The following ZDHHC2 variants were observed in gnomAD, a reference collection of about 807,000 sequenced individuals.
ZDHHC2 encodes the protein palmitoyltransferase ZDHHC2.
A neutral mutation model predicts 55.6 loss-of-function variants in ZDHHC2; 51 were observed. The observed-to-expected ratio is 0.92, with a 90% CI of 0.73 to 1.16. The LOEUF is 1.16. ZDHHC2 is among the 50% of genes most tolerant of loss of function. The probability of loss-of-function intolerance (pLI) is 0.00; values close to 1 mark genes in which losing one functional copy is unlikely to be tolerated. For synonymous variants in ZDHHC2, 199 were observed against 152.9 expected (o/e 1.30, Z -2.22); for missense variants, 491 against 442.4 (o/e 1.11, Z -0.99).
chr8:17,181,125 T>A (rs1805409877), intron 1 of ZDHHC2, among the ~76,000 whole-genome samples: 1 of 152,118 alleles, frequency 6.6e-6, no homozygotes, highest in African/African-American at 2.4e-5. Context: ...TAGAAATAAC[T>A]TTTCTCTTGA....
Position 17,170,997 on chromosome 8 carries a change from C to T in ZDHHC2, c.131-13792C>T, listed in dbSNP as rs754256381. Among the ~76,000 whole-genome samples the T allele has an allele frequency of 7.9e-5, 12 of 152,134 alleles. 1 individual carries two copies. Among genetic ancestry groups the T allele is most frequent in the Non-Finnish European group, 1.0e-4 (7 of 68,036 alleles). ...AGGACATAAATCCCTAGTTGACATTCCCCTGGGTGGTAAATAGCCATTATG... is the reference window on the plus strand; with the variant it reads ...AGGACATAAATCCCTAGTTGACATTTCCCTGGGTGGTAAATAGCCATTATG... On this transcript the variant is annotated intron_variant, in intron 1 of 12. Transcript: ENST00000262096.
chr8:17,201,479 CTCTTTTTTTTTT>C (rs1806760927), intron 6 of ZDHHC2, among the ~76,000 whole-genome samples: 1 of 88,194 alleles, frequency 1.1e-5, no homozygotes, highest in African/African-American at 3.5e-5. Context: ...CTCTCTCTCT[CTCTTTTTTTTTT>C]TTTTTTTTTT....
chr8:17,159,166 C>G (rs1037771911), intron 1 of ZDHHC2, among the ~76,000 whole-genome samples: 1 of 152,178 alleles, frequency 6.6e-6, no homozygotes, highest in East Asian at 1.9e-4. Context: ...CTCCCAGACT[C>G]CTTTCCTTTT....
chr8:17,167,469 C>G (rs574776704), intron 1 of ZDHHC2, among the ~76,000 whole-genome samples: 1 of 152,118 alleles, frequency 6.6e-6, no homozygotes, highest in Admixed American at 6.6e-5. Context: ...TCATGCCGGG[C>G]TAATTTTTCC....
At chr8:17,156,908 T>C in intron 1 of ZDHHC2, 55 bp downstream of exon 1, 1 of 1,429,682 alleles carries the variant, frequency 7.0e-7, no homozygotes, top group South Asian at 1.4e-5. Flanking sequence ...ACCCCGACTG[T>C]CCCGGGACGC....
chr8:17,216,322 T>C (rs1038630842), intron 11 of ZDHHC2, among the ~76,000 whole-genome samples: 20 of 152,214 alleles, frequency 1.3e-4, no homozygotes, highest in African/African-American at 4.8e-4. Flanking sequence ...CTAGTCATTA[T>C]TTAATATATT....
In ZDHHC2 at chr8:17,210,486, C is replaced by A; in HGVS notation, c.950+6C>A. The A allele has an allele frequency of 6.3e-7, 1 of 1,595,572 alleles. No individual in the cohort carries two copies. The highest frequency in any genetic ancestry group is 8.5e-7 in the Non-Finnish European group (1 of 1,172,098). ...CTGAATTCCACAGCTAAAAAGTAATCTCATATTTTTTTTCATTTTACTTTC... is the reference window on the plus strand; with the variant it reads ...CTGAATTCCACAGCTAAAAAGTAATATCATATTTTTTTTCATTTTACTTTC... On this transcript the variant is annotated splice_donor_region_variant and intron_variant, in intron 10 of 12. Coordinates refer to ENST00000262096, the MANE Select transcript of ZDHHC2 (RefSeq NM_016353.5).
chr8:17,161,402 A>G (rs895132518), intron 1 of ZDHHC2, among the ~76,000 whole-genome samples: 3 of 152,270 alleles, frequency 2.0e-5, no homozygotes, highest in Admixed American at 1.3e-4. Flanking sequence ...GATCTTGGGA[A>G]TACAGATGTT....
chr8:17,206,186 G>A (rs2150939645), intron 7 of ZDHHC2, among the ~76,000 whole-genome samples: 1 of 152,308 alleles, frequency 6.6e-6, no homozygotes, highest in South Asian at 2.1e-4. Context: ...TTAAAGTGTA[G>A]TGCTGAAGTG....
At chr8:17,164,273 TACTC>T (rs1167259650) in intron 1 of ZDHHC2, among the ~76,000 whole-genome samples, 16 of 152,350 alleles carry the variant, frequency 1.1e-4, no homozygotes, top group Non-Finnish European at 1.8e-4. Flanking sequence ...ATTTGAGAGA[TACTC>T]ACAAGCAAAA....
intron 3 of ZDHHC2, among the ~76,000 whole-genome samples, chr8:17,191,066 A>G (rs1382363409): frequency 2.9e-5 from 4 of 137,090 alleles, no homozygotes; most frequent in African/African-American, 1.1e-4. Flanking sequence ...GTTTCAAGGG[A>G]TTCTCCTGCC....
intron 3 of ZDHHC2, among the ~76,000 whole-genome samples, chr8:17,194,293 G>T (rs1163941550): frequency 6.7e-6 from 1 of 148,692 alleles, no homozygotes; most frequent in East Asian, 1.9e-4. Flanking sequence ...TTTTTAAATT[G>T]TAAAATATTT....
rs532974651 is a variant in ZDHHC2 at position 17,179,051 on chromosome 8, A to G, written c.131-5738A>G. On this transcript the variant is annotated intron_variant, in intron 1 of 12. Coordinates refer to ENST00000262096, the MANE Select transcript of ZDHHC2 (RefSeq NM_016353.5). ...CTGCAGCCTCGACCTCCTGTGCTCA[A>G]GTGATCTTCCCACCTCAGCCTCCCG... 2.0e-5 allele frequency among the ~76,000 whole-genome samples: 3 copies of G among 152,252 alleles called. No individual in the cohort carries two copies. The South Asian group carries it at 6.2e-4, about 32-fold the overall frequency.
At chr8:17,206,755 G>C (rs1807119115) in intron 7 of ZDHHC2, among the ~76,000 whole-genome samples, 1 of 152,078 alleles carries the variant, frequency 6.6e-6, no homozygotes, top group Non-Finnish European at 1.5e-5. Flanking sequence ...AACACCAAAT[G>C]ACAGTAAAAA....
rs1563161263 is a variant in ZDHHC2 at position 17,199,539 on chromosome 8, C to CGTCTTCGTCTTCGTCTT, written c.476+1132_476+1133insGTCTTCGTCTTGTCTTC. Among the ~76,000 whole-genome samples, 78 of 68,022 alleles carry CGTCTTCGTCTTCGTCTT rather than the reference C, an allele frequency of 1.1e-3. 7 individuals carry two copies. The highest frequency in any genetic ancestry group is 4.0e-3 in the African/African-American group (78 of 19,558). The allele number at this position is 68,022 out of a possible 152,430, so 44.6% of individuals were successfully genotyped here. A position where few individuals can be genotyped will look rare whatever the true frequency, so the allele number is the denominator to read the frequency against. ...CGTCTTCGTCTTCGTCTTCTGTCTTCGTCTTCTGTCTTCGTCTTCGTCTTC... is the reference window on the plus strand; with the variant it reads ...CGTCTTCGTCTTCGTCTTCTGTCTTCGTCTTCGTCTTCGTCTTGTCTTCTGTCTTCGTCTTCGTCTTC... On this transcript the variant is annotated intron_variant, in intron 6 of 12. Coordinates refer to ENST00000262096, the MANE Select transcript of ZDHHC2 (RefSeq NM_016353.5).
rs1275496804 is a variant in ZDHHC2, at chr8:17,191,599, A to G, written c.253-3905A>G. On this transcript the variant is annotated intron_variant, in intron 3 of 12. Coordinates refer to ENST00000262096, the MANE Select transcript of ZDHHC2 (RefSeq NM_016353.5). ...TTCTCTGCCTTGCTTATTTTACTTA[A>G]CATAATGACCTCGAGTTCCATTCAT... is the stretch of plus-strand genomic sequence containing the variant. Among the ~76,000 whole-genome samples the G allele has an allele frequency of 2.6e-5, 4 of 152,198 alleles. No individual in the cohort carries two copies. In the East Asian group the frequency reaches 5.8e-4, roughly 22 times the overall value.
chr8:17,193,600 C>T (rs570642609), intron 3 of ZDHHC2, among the ~76,000 whole-genome samples: 60 of 152,344 alleles, frequency 3.9e-4, no homozygotes, highest in African/African-American at 1.4e-3. Flanking sequence ...GCAAAGTCAG[C>T]CAGGCTTGGG....
rs1206233423 is a variant in ZDHHC2 at position 17,209,982 on chromosome 8, A to G, written c.781A>G (p.Ser261Gly). Residue 261 changes from serine to glycine, a missense_variant, in exon 9 of 13, where the codon AGC becomes GGC. Transcript: ENST00000262096. ...FRHGTDKNGF[S>G]LGFSKNMRQV... The stretch of plus-strand genomic sequence containing the variant: ...ACATGGAACAGATAAGAATGGATTC[A>G]GCTTGGGTTTCAGTAAAAACATGCG... 6.2e-7 allele frequency: 1 copy of G among 1,611,792 alleles called. No individual in the cohort carries two copies. Among genetic ancestry groups the G allele is most frequent in the Non-Finnish European group, 8.5e-7 (1 of 1,178,886 alleles).
rs1270105043 is a variant in ZDHHC2 at position 17,221,094 on chromosome 8, C to A, written c.*873C>A. 1 of 152,422 alleles carries A rather than the reference C, an allele frequency of 6.6e-6. No individual in the cohort carries two copies. Among genetic ancestry groups the A allele is most frequent in the Non-Finnish European group, 1.5e-5 (1 of 67,978 alleles). The allele number at this position is 152,422 out of a possible 1,614,324, so 9.4% of individuals were successfully genotyped here. A position where few individuals can be genotyped will look rare whatever the true frequency, so the allele number is the denominator to read the frequency against. ...TGAACATAGTAAAACTATTGAATTT[C>A]TCTTAAGAATTCCTAATAGGTCAAT... On this transcript the variant is annotated 3_prime_UTR_variant, in exon 13 of 13. Transcript: ENST00000262096.
Sources: allele counts gnomAD v4.1 joint callset (sites outside exome capture counted in the v4.1 genomes callset), GRCh38; gene constraint gnomAD v4.1.1; transcripts MANE v1.5; gene names NCBI Gene and HGNC (gene_info 2026-07-23, HGNC 2026-07-21).